Variants in ERBIN observed in about 807,000 individuals in gnomAD.
The protein encoded by ERBIN is erbb2 interacting protein, also known as densin-180-like protein.
A neutral mutation model predicts 158.4 loss-of-function variants in ERBIN; 60 were observed. The observed-to-expected ratio is 0.38, with a 90% CI of 0.31 to 0.47. ERBIN has a LOEUF of 0.47. ERBIN is among the 20% of genes least tolerant of loss of function. ERBIN has a pLI of 0.99. For missense variants in ERBIN, 1,610 were observed against 1,648.0 expected, an observed-to-expected ratio of 0.98 and a Z score of 0.40; for synonymous variants, 594 against 557.2, an observed-to-expected ratio of 1.07 and a Z score of -0.93.
intron 1 of ERBIN, among the ~76,000 whole-genome samples, chr5:65,933,486 G>T (rs1465238799): frequency 6.6e-6 from 1 of 152,210 alleles, no homozygotes; most frequent in East Asian, 1.9e-4. Context: ...TAATCACACT[G>T]TCCAAGTGTC....
At chr5:66,061,197 C>T (rs1760258658) in intron 21 of ERBIN, among the ~76,000 whole-genome samples, 1 of 152,124 alleles carries the variant, frequency 6.6e-6, no homozygotes, top group East Asian at 1.9e-4. Context: ...TTTGTAGGTC[C>T]CTAAGGACTT....
rs1756248564 is a variant in ERBIN, at chr5:66,026,320, A to G, written c.1039A>G (p.Ile347Val). The change falls in exon 13 of 26, where the codon ATA (isoleucine) becomes GTA (valine). Residue 347 changes from isoleucine to valine, a missense_variant. By Grantham distance (29) the Ile-to-Val change is conservative (BLOSUM62 3). Around this residue, in one of 2 missense-constraint regions of ERBIN, gnomAD observed 596 missense variants for 711.9 expected, o/e 0.84. Coordinates refer to ENST00000284037, the MANE Select transcript of ERBIN (RefSeq NM_001253697.2). ...CTTTCAGATTGGAAGCTGGAAAAATATAACTGTGCTGTTTCTCCATTCCAA... is the reference window on the plus strand; with the variant it reads ...CTTTCAGATTGGAAGCTGGAAAAATGTAACTGTGCTGTTTCTCCATTCCAA... ...LPPEIGSWKNITVLFLHSNKL... is the reference protein window; with the variant it reads ...LPPEIGSWKNVTVLFLHSNKL... The G allele has an allele frequency of 8.8e-6, 14 of 1,587,444 alleles. No homozygotes were observed. Among genetic ancestry groups the G allele is most frequent in the Non-Finnish European group, 1.2e-5 (14 of 1,169,806 alleles).
intron 1 of ERBIN, among the ~76,000 whole-genome samples, chr5:65,972,561 T>C (rs542626189): frequency 6.6e-6 from 1 of 151,506 alleles, no homozygotes; most frequent in Non-Finnish European, 1.5e-5. Flanking sequence ...AAATAATGTT[T>C]GGTTAAGTAG....
intron 7 of ERBIN, among the ~76,000 whole-genome samples, chr5:66,016,204 GAT>G (rs1754697303): frequency 6.6e-6 from 1 of 152,130 alleles, no homozygotes; most frequent in African/African-American, 2.4e-5. Flanking sequence ...AATTCAAAAA[GAT>G]ATGTATACAT....
chr5:65,991,024 A>G (rs1324032888), intron 2 of ERBIN, among the ~76,000 whole-genome samples: 3 of 152,146 alleles, frequency 2.0e-5, no homozygotes, highest in East Asian at 1.9e-4. Context: ...CCAAAGTGCT[A>G]GGATTACCGG....
intron 1 of ERBIN, chr5:65,961,345 T>C (rs964551653): frequency 5.3e-5 from 8 of 152,238 alleles, no homozygotes; most frequent in African/African-American, 1.9e-4. Context: ...GATGTGAGGC[T>C]GATACTGGTG....
chr5:66,051,141 C>T (rs541716942), intron 20 of ERBIN, among the ~76,000 whole-genome samples, 175 bp downstream of exon 20: 2 of 151,980 alleles, frequency 1.3e-5, no homozygotes, highest in Non-Finnish European at 2.9e-5. Flanking sequence ...ACATTTCCAT[C>T]TTAAATTAGA....
rs529335942 is a variant in ERBIN at position 66,049,655 on chromosome 5, G to A, written c.1903+874G>A. ...TAGAGTCCATTTGCTACTGTTAACTGTAAATACAATCCGGACTACTTGAGC... is the reference window on the plus strand; with the variant it reads ...TAGAGTCCATTTGCTACTGTTAACTATAAATACAATCCGGACTACTTGAGC... On this transcript the variant is annotated intron_variant, in intron 19 of 25. Transcript: ENST00000284037. Among the ~76,000 whole-genome samples the A allele has an allele frequency of 3.3e-5, 5 of 152,148 alleles. No individual in the cohort carries two copies. In the South Asian group the frequency reaches 1.0e-3, roughly 32 times the overall value.
At chr5:66,076,105 T>C in intron 23 of ERBIN, 1 of 531,240 alleles carries the variant, frequency 1.9e-6, no homozygotes. Context: ...GGAGCTATGC[T>C]TTATATAATC....
chr5:66,034,115 CA>C (rs34390168), intron 14 of ERBIN, among the ~76,000 whole-genome samples: 5,672 of 132,960 alleles, frequency 0.043, 340 homozygotes, highest in African/African-American at 0.15. Flanking sequence ...GACTTTGTCT[CA>C]AAAAAAAAAA....
intron 21 of ERBIN, among the ~76,000 whole-genome samples, chr5:66,061,502 G>A (rs1204007194): frequency 3.3e-5 from 5 of 152,098 alleles, no homozygotes; most frequent in Non-Finnish European, 7.3e-5. Flanking sequence ...TATCCAATTT[G>A]CCAGTCTGTG....
intron 1 of ERBIN, among the ~76,000 whole-genome samples, chr5:65,982,662 A>G (rs1403866870): frequency 3.5e-5 from 3 of 84,892 alleles, no homozygotes; most frequent in Non-Finnish European, 7.9e-5. Context: ...CTGCAATTAC[A>G]TAGGCCAAAA....
chr5:66,013,340 T>C lies in ERBIN; in HGVS notation c.387-209T>C, dbSNP rs184648229. Among the ~76,000 whole-genome samples the C allele has an allele frequency of 1.5e-3, 232 of 152,294 alleles. 1 individual carries two copies. The highest frequency in any genetic ancestry group is 5.3e-4 in the Non-Finnish European group (36 of 68,026). On this transcript the variant is annotated intron_variant, in intron 5 of 25. Transcript: ENST00000284037. ...CATTATTAAAACAAATATTACCTCATTTTCTGTTTACAAAGTGATGAAGAT... is the reference window on the plus strand; with the variant it reads ...CATTATTAAAACAAATATTACCTCACTTTCTGTTTACAAAGTGATGAAGAT...
intron 1 of ERBIN, among the ~76,000 whole-genome samples, chr5:65,964,908 T>G (rs952093124): frequency 9.3e-6 from 1 of 107,260 alleles, no homozygotes; most frequent in East Asian, 2.5e-4. Context: ...CCTGGCTGAT[T>G]TGTGTGTGTG....
rs138541190 is a variant in ERBIN at position 65,999,181 on chromosome 5, G to A, written c.307+4317G>A. Among the ~76,000 whole-genome samples the A allele has an allele frequency of 4.9e-3, 736 of 150,884 alleles. 9 individuals carry two copies. Among genetic ancestry groups the A allele is most frequent in the Admixed American group, 3.7e-3 (56 of 15,266 alleles). On this transcript the variant is annotated intron_variant, in intron 4 of 25. Coordinates refer to ENST00000284037, the MANE Select transcript of ERBIN (RefSeq NM_001253697.2). ...GTCAGGAGTTTGTGACCAGCCTGGCGAATGTGGACCCCGTCTCTACTAAAA... is the reference window on the plus strand; with the variant it reads ...GTCAGGAGTTTGTGACCAGCCTGGCAAATGTGGACCCCGTCTCTACTAAAA...
chr5:65,990,494 C>T (rs1751751253), intron 2 of ERBIN, among the ~76,000 whole-genome samples: 1 of 152,022 alleles, frequency 6.6e-6, no homozygotes, highest in Non-Finnish European at 1.5e-5. Context: ...TGGTGAAACC[C>T]TGTCTCTACT....
rs765074744 is a variant in ERBIN at position 66,074,045 on chromosome 5, A to ATCAGCTAATT, written c.3757-978_3757-977insCAGCTAATTT. 2.2e-5 allele frequency among the ~76,000 whole-genome samples: 2 copies of ATCAGCTAATT among 91,926 alleles called. 1 individual carries two copies. The highest frequency in any genetic ancestry group is 8.5e-5 in the African/African-American group (2 of 23,452). The allele number at this position is 91,926 out of a possible 152,430, so 60.3% of individuals were successfully genotyped here. A position where few individuals can be genotyped will look rare whatever the true frequency, so the allele number is the denominator to read the frequency against. On this transcript the variant is annotated intron_variant, in intron 22 of 25. Coordinates refer to ENST00000284037, the MANE Select transcript of ERBIN (RefSeq NM_001253697.2). ...AGGTGTGCACCACCATGCCCAGCTAATTTTTTTTTTTTTTTTTTTTTTTTT... is the reference window on the plus strand; with the variant it reads ...AGGTGTGCACCACCATGCCCAGCTAATCAGCTAATTTTTTTTTTTTTTTTTTTTTTTTTTT...
intron 1 of ERBIN, among the ~76,000 whole-genome samples, chr5:65,972,324 C>T (rs1041362643): frequency 6.6e-5 from 10 of 151,740 alleles, no homozygotes; most frequent in African/African-American, 1.5e-4. Flanking sequence ...GGACCTGCTG[C>T]GGTGTCCTTA....
In ERBIN at chr5:66,053,549, T is replaced by C. The variant is rs367591212; in HGVS notation, c.2231T>C (p.Ile744Thr). The C allele has an allele frequency of 4.3e-6, 7 of 1,611,136 alleles. No individual in the cohort carries two copies. The African/African-American group carries it at 8.0e-5, about 19-fold the overall frequency. ...AATGTTGAAGAGCGATTAGTTCTAATTGAGAAAAGTGTTGACTCAACAGCC... is the reference window on the plus strand; with the variant it reads ...AATGTTGAAGAGCGATTAGTTCTAACTGAGAAAAGTGTTGACTCAACAGCC... ...DLNVEERLVL[I>T]EKSVDSTATA... Residue 744 changes from isoleucine to threonine, a missense_variant, in exon 21 of 26, where the codon ATT becomes ACT. Physicochemically the swap from Ile to Thr is moderately conservative, Grantham distance 89 (BLOSUM62 -1). This residue lies in a region of ERBIN where 1,014 missense variants were observed against 936.1 expected (regional missense o/e 1.08). Coordinates refer to ENST00000284037, the MANE Select transcript of ERBIN (RefSeq NM_001253697.2).
Sources: gnomAD v4.1 joint callset for allele counts (sites outside exome capture counted in the v4.1 genomes callset) on GRCh38, gnomAD v4.1.1 for gene constraint, gnomAD v4.1.1 regional missense constraint, MANE v1.5 for transcripts, NCBI Gene and HGNC (gene_info 2026-07-23, HGNC 2026-07-21) for gene names.